The following ZGRF1 variants were observed in gnomAD, a reference collection of about 807,000 sequenced individuals.
The protein encoded by ZGRF1 is zinc finger GRF-type containing 1.
ZGRF1 carries 196 observed loss-of-function variants against 203.5 expected under a neutral mutation model. The ratio of observed to expected loss-of-function variants is 0.96; its 90% CI spans 0.86 to 1.08. The LOEUF is 1.08. ZGRF1 is among the 50% of genes least tolerant of loss of function. The pLI is 0.00. For synonymous variants in ZGRF1, 809 were observed against 841.3 expected (o/e 0.96, Z 0.66); for missense variants, 2,326 against 2,416.3 (o/e 0.96, Z 0.78).
At chr4:112,543,609 G>A (rs1166705430) in intron 24 of ZGRF1, among the ~76,000 whole-genome samples, 1 of 152,152 alleles carries the variant, frequency 6.6e-6, no homozygotes, top group African/African-American at 2.4e-5. Flanking sequence ...ACAGTGTGCA[G>A]AGTACACTAC....
At chr4:112,601,190 C>T (rs911014158) in intron 10 of ZGRF1, among the ~76,000 whole-genome samples, 1 of 151,284 alleles carries the variant, frequency 6.6e-6, no homozygotes, top group Non-Finnish European at 1.5e-5. Flanking sequence ...GCAGGAAGAT[C>T]GTTTGAGCCC....
chr4:112,539,623 T>C lies in ZGRF1; in HGVS notation c.6239A>G (p.Tyr2080Cys). 1 of 1,598,770 alleles carries C rather than the reference T, an allele frequency of 6.3e-7. No individual in the cohort carries two copies. The highest frequency in any genetic ancestry group is 1.1e-5 in the South Asian group (1 of 88,422). ...TTTTTCTTCCACTTGTTTTTCAAAATAATCTTTAAGGAGATGGTTCAGCTG... is the reference window on the plus strand; with the variant it reads ...TTTTTCTTCCACTTGTTTTTCAAAACAATCTTTAAGGAGATGGTTCAGCTG... ...EPQLNHLLKD[Y>C]FEKQVEEKQK... is the part of the protein sequence containing the mutation. Residue 2080 changes from tyrosine (Y) to cysteine (C), a missense_variant, in exon 28 of 28, where the codon TAT (tyrosine) becomes TGT (cysteine). Physicochemically the swap from Tyr to Cys is radical, Grantham distance 194 (BLOSUM62 -2). Coordinates refer to ENST00000505019, the MANE Select transcript of ZGRF1 (RefSeq NM_018392.5).
chr4:112,624,523 A>G (rs2047166339), intron 3 of ZGRF1, among the ~76,000 whole-genome samples: 1 of 152,122 alleles, frequency 6.6e-6, no homozygotes, highest in African/African-American at 2.4e-5. Flanking sequence ...AACAGGAGAC[A>G]AGATCATTTT....
chr4:112,607,581 T>C (rs1414381890), intron 8 of ZGRF1, among the ~76,000 whole-genome samples: 1 of 152,212 alleles, frequency 6.6e-6, no homozygotes, highest in Non-Finnish European at 1.5e-5. Flanking sequence ...AACACACTGT[T>C]TTGAAAGTTC....
chr4:112,632,409 A>C (rs1180881597), intron 2 of ZGRF1, among the ~76,000 whole-genome samples: 2 of 152,222 alleles, frequency 1.3e-5, no homozygotes, highest in East Asian at 3.8e-4. Flanking sequence ...TAATCTGTGC[A>C]GTTCTCAAAG....
At position 112,623,869 on chromosome 4, in the gene ZGRF1, A is replaced by G; in HGVS notation, c.110T>C (p.Leu37Ser). The G allele has an allele frequency of 1.3e-6, 2 of 1,572,918 alleles. No individual in the cohort carries two copies. The highest frequency in any genetic ancestry group is 2.3e-5 in the East Asian group (1 of 44,392). ...CAAACATGCTCCTTTGTCATCATAT[A>G]AAATTGCCTGTATGAAAACAAAATA... Reference protein sequence around the residue: ...KITHLGNKAILYDDKGACLES... With the variant: ...KITHLGNKAISYDDKGACLES... Residue 37 changes from leucine (L) to serine (S), a missense_variant, in exon 4 of 28, where the codon TTA becomes TCA. Coordinates refer to ENST00000505019, the MANE Select transcript of ZGRF1 (RefSeq NM_018392.5).
At position 112,578,826 on chromosome 4, in the gene ZGRF1, G is replaced by A. The variant is rs528647413; in HGVS notation, c.4438+2837C>T. ...TCCAGGACCAGATGGATTCACAGCC[G>A]AATTCTACCAGAGGTACAAGGAGGA... On this transcript the variant is annotated intron_variant, in intron 16 of 27. Coordinates refer to ENST00000505019, the MANE Select transcript of ZGRF1 (RefSeq NM_018392.5). Among the ~76,000 whole-genome samples the A allele has an allele frequency of 9.8e-5, 12 of 122,420 alleles. 4 individuals carry two copies. The highest frequency in any genetic ancestry group is 1.7e-4 in the African/African-American group (6 of 35,458). 80.3% of individuals were successfully genotyped at this position (122,420 alleles called of 152,430 possible).
chr4:112,597,146 G>A (rs1043974404), intron 10 of ZGRF1, among the ~76,000 whole-genome samples: 36 of 147,628 alleles, frequency 2.4e-4, no homozygotes, highest in African/African-American at 7.0e-4. Flanking sequence ...CCCAAGAGGC[G>A]GAGGTTGCAG....
chr4:112,575,852 G>A (rs182215813), intron 16 of ZGRF1, among the ~76,000 whole-genome samples: 119 of 152,340 alleles, frequency 7.8e-4, no homozygotes, highest in Non-Finnish European at 1.5e-3. Context: ...CCTCTGGGGG[G>A]CAGGACTTAG....
At chr4:112,588,198 T>C (rs376542218) in intron 11 of ZGRF1, among the ~76,000 whole-genome samples, 7 of 152,116 alleles carry the variant, frequency 4.6e-5, no homozygotes, top group East Asian at 1.9e-4. Context: ...TACTAAATTA[T>C]GTTTATATAG....
At chr4:112,588,847 C>T (rs1747675026) in intron 11 of ZGRF1, among the ~76,000 whole-genome samples, 1 of 152,126 alleles carries the variant, frequency 6.6e-6, no homozygotes, top group Non-Finnish European at 1.5e-5. Flanking sequence ...GTAATTCTAA[C>T]AAGTCGATCA....
chr4:112,540,412 GAAA>G (rs1477168350), intron 26 of ZGRF1, among the ~76,000 whole-genome samples: 1 of 152,016 alleles, frequency 6.6e-6, no homozygotes, highest in Non-Finnish European at 1.5e-5. Context: ...AATACTAAGA[GAAA>G]AATCTAGTTA....
chr4:112,613,122 T>C lies in ZGRF1; in HGVS notation c.2603-534A>G, dbSNP rs556389113. Reference sequence around the variant, plus strand: ...CAGCCTGGCCAACATGCTGAGACCTTGTCTCTACTAAAAATACAAAAATTA... The same window carrying C: ...CAGCCTGGCCAACATGCTGAGACCTCGTCTCTACTAAAAATACAAAAATTA... On this transcript the variant is annotated intron_variant, in intron 6 of 27. Transcript: ENST00000505019. 9.2e-5 allele frequency among the ~76,000 whole-genome samples: 14 copies of C among 152,226 alleles called. No homozygotes were observed. The South Asian group carries it at 2.7e-3, about 29-fold the overall frequency.
intron 15 of ZGRF1, among the ~76,000 whole-genome samples, chr4:112,583,512 G>C (rs777257876): frequency 5.3e-5 from 8 of 152,182 alleles, no homozygotes; most frequent in Non-Finnish European, 1.2e-4. Context: ...TAACTTTAAA[G>C]ACTTATTCCC....
intron 16 of ZGRF1, among the ~76,000 whole-genome samples, chr4:112,568,533 A>G (rs892839987): frequency 1.3e-5 from 2 of 151,432 alleles, no homozygotes; most frequent in African/African-American, 2.4e-5. Flanking sequence ...CAACATGGTG[A>G]AACCGTGTCT....
intron 6 of ZGRF1, among the ~76,000 whole-genome samples, chr4:112,617,113 C>T (rs2046903094): frequency 6.6e-6 from 1 of 152,002 alleles, no homozygotes; most frequent in Non-Finnish European, 1.5e-5. Flanking sequence ...TTGACATATA[C>T]ACACACATAC....
intron 24 of ZGRF1, among the ~76,000 whole-genome samples, chr4:112,542,258 C>T (rs1193880112): frequency 2.6e-5 from 4 of 152,132 alleles, no homozygotes; most frequent in African/African-American, 7.2e-5. Flanking sequence ...AGGAAAATCG[C>T]TTGAACCCAG....
At position 112,581,784 on chromosome 4, in the gene ZGRF1, C is replaced by T. The variant is rs1429902833; in HGVS notation, c.4317G>A (p.Gln1439=). 2.8e-6 allele frequency: 4 copies of T among 1,424,654 alleles called. No individual in the cohort carries two copies. Among genetic ancestry groups the T allele is most frequent in the Non-Finnish European group, 3.7e-6 (4 of 1,068,408 alleles). The allele number at this position is 1,424,654 out of a possible 1,614,324, so 88.3% of individuals were successfully genotyped here. A position where few individuals can be genotyped will look rare whatever the true frequency, so the allele number is the denominator to read the frequency against. ...TCTTTAGTTTGCCATACTGTTTTCT[C>T]TGAAAATCAAATCCTTTTCTGAAAA... ...QLLVRKGFDF[Q]RKQYGKLKKF... is the part of the protein sequence containing the mutation. Residue 1439 remains glutamine (Q), a synonymous_variant, in exon 16 of 28, where the codon CAG becomes CAA. Coordinates refer to ENST00000505019, the MANE Select transcript of ZGRF1 (RefSeq NM_018392.5).
chr4:112,603,452 C>T (rs1750279734), intron 10 of ZGRF1, 72 bp downstream of exon 10: 3 of 1,076,864 alleles, frequency 2.8e-6, no homozygotes, highest in South Asian at 3.1e-5. Context: ...AACAACTATA[C>T]TATTTTCACA....
Sources: allele counts gnomAD v4.1 joint callset (sites outside exome capture counted in the v4.1 genomes callset), GRCh38; gene constraint gnomAD v4.1.1; transcripts MANE v1.5; gene names NCBI Gene and HGNC (gene_info 2026-07-23, HGNC 2026-07-21).